The following TRAPPC12 variants were observed in gnomAD, a reference collection of about 807,000 sequenced individuals.
TRAPPC12 encodes trafficking protein particle complex subunit 12, also known as TPR repeat protein 15.
Under a neutral mutation model 69.2 loss-of-function variants are expected in TRAPPC12, and 61 were observed. That is an observed-to-expected ratio of 0.88 (90% CI 0.72 to 1.09). TRAPPC12 has a LOEUF of 1.09. TRAPPC12 is among the 50% of genes least tolerant of loss of function. TRAPPC12 has a pLI of 0.00. For missense variants in TRAPPC12, 1,101 were observed against 1,016.4 expected (o/e 1.08, Z -1.13); for synonymous variants, 469 against 438.9 (o/e 1.07, Z -0.86).
intron 5 of TRAPPC12, among the ~76,000 whole-genome samples, chr2:3,426,049 G>A (rs1264188401): frequency 6.6e-6 from 1 of 152,124 alleles, no homozygotes; most frequent in Non-Finnish European, 1.5e-5. Context: ...CTTCCTCCAA[G>A]TAGGACGGGT....
chr2:3,389,334 C>G (rs1349068469), intron 2 of TRAPPC12, among the ~76,000 whole-genome samples: 8 of 152,250 alleles, frequency 5.3e-5, no homozygotes, highest in Admixed American at 4.6e-4. Context: ...TGACTGTGCT[C>G]TCAGCCCCCA....
At chr2:3,398,713 G>T (rs374289991) in intron 2 of TRAPPC12, among the ~76,000 whole-genome samples, 15 of 152,198 alleles carry the variant, frequency 9.9e-5, no homozygotes, top group East Asian at 5.8e-4. Flanking sequence ...GGCCCTAACC[G>T]CCTGTCAGCC....
rs763583291 is a variant in TRAPPC12, at chr2:3,401,881, G to A, written c.1152G>A (p.Leu384=). Reference sequence around the variant, plus strand: ...CAGTGGAACAATCTTTTGTTGGATTGAAACAGCTAATCGTAAGTGACAATG... The same window carrying A: ...CAGTGGAACAATCTTTTGTTGGATTAAAACAGCTAATCGTAAGTGACAATG... The part of the protein sequence containing the change: ...ADSVEQSFVG[L]KQLISCRNWR... Residue 384 remains leucine, a synonymous_variant, in exon 3 of 12, where the codon TTG becomes TTA. Transcript: ENST00000324266. 212 of 1,584,088 alleles carry A rather than the reference G, an allele frequency of 1.3e-4. No homozygotes were observed. Among genetic ancestry groups the A allele is most frequent in the Non-Finnish European group, 1.8e-4 (205 of 1,166,740 alleles).
chr2:3,421,731 C>G (rs1456070788), intron 3 of TRAPPC12, 150 bp from the exon 4 acceptor site: 1 of 751,854 alleles, frequency 1.3e-6, no homozygotes, highest in African/African-American at 1.7e-5. Context: ...TCCGTGCCGT[C>G]AGCACACTGA....
intron 8 of TRAPPC12, chr2:3,463,035 T>C: frequency 2.2e-6 from 1 of 455,014 alleles, no homozygotes; most frequent in Non-Finnish European, 4.6e-6. Flanking sequence ...TGAAAAGAAA[T>C]GGTGAAGATT....
chr2:3,433,821 A>C (rs2103077949), intron 5 of TRAPPC12, among the ~76,000 whole-genome samples: 1 of 152,296 alleles, frequency 6.6e-6, no homozygotes, highest in East Asian at 1.9e-4. Context: ...TATACATGGG[A>C]ATCTTCCGGA....
At chr2:3,464,042 G>A (rs547858015) in intron 8 of TRAPPC12, among the ~76,000 whole-genome samples, 18 of 152,258 alleles carry the variant, frequency 1.2e-4, no homozygotes, top group African/African-American at 4.3e-4. Flanking sequence ...CATCTGGGGT[G>A]CCATGTCCGT....
chr2:3,420,372 G>A (rs754250945), intron 3 of TRAPPC12, among the ~76,000 whole-genome samples: 10 of 76,304 alleles, frequency 1.3e-4, no homozygotes, highest in East Asian at 4.5e-4. Flanking sequence ...GCACGCACAC[G>A]CTGACTCTGG....
chr2:3,450,783 G>A (rs1664810986), intron 6 of TRAPPC12, among the ~76,000 whole-genome samples: 1 of 152,142 alleles, frequency 6.6e-6, no homozygotes, highest in African/African-American at 2.4e-5. Context: ...CACTTAGTAA[G>A]TTCTCAGGTC....
At chr2:3,394,087 A>C (rs1390134038) in intron 2 of TRAPPC12, among the ~76,000 whole-genome samples, 1 of 152,120 alleles carries the variant, frequency 6.6e-6, no homozygotes, top group Non-Finnish European at 1.5e-5. Flanking sequence ...GATTGACTCT[A>C]CCTTCCTCAA....
rs749908453 is a variant in TRAPPC12, at chr2:3,388,536, C to T, written c.913C>T (p.Arg305Trp). 5.6e-6 allele frequency: 9 copies of T among 1,613,086 alleles called. No homozygotes were observed. The highest frequency in any genetic ancestry group is 1.7e-5 in the Admixed American group (1 of 60,000). Residue 305 changes from arginine to tryptophan, a missense_variant, in exon 2 of 12, where the codon CGG becomes TGG. Physicochemically the swap from Arg to Trp is moderately radical, Grantham distance 101. Coordinates refer to ENST00000324266, the MANE Select transcript of TRAPPC12 (RefSeq NM_016030.6). ...CGCCCTGAGCATGAGCGAGATGGAC[C>T]GGAGGAACGACGCCTGGCTTCCCGG... is the stretch of plus-strand genomic sequence containing the variant. ...ATALSMSEMD[R>W]RNDAWLPGEA...
chr2:3,445,753 A>T (rs1664473708), intron 6 of TRAPPC12, among the ~76,000 whole-genome samples: 1 of 152,216 alleles, frequency 6.6e-6, no homozygotes, highest in Non-Finnish European at 1.5e-5. Context: ...CATCACTATA[A>T]CATGTCCCGT....
At chr2:3,390,313 G>A (rs1057464341) in intron 2 of TRAPPC12, among the ~76,000 whole-genome samples, 9 of 152,178 alleles carry the variant, frequency 5.9e-5, no homozygotes, top group African/African-American at 1.9e-4. Context: ...ACCAAAATCA[G>A]TACAAACATA....
intron 3 of TRAPPC12, among the ~76,000 whole-genome samples, chr2:3,405,821 T>C (rs762909008): frequency 1.8e-4 from 28 of 152,262 alleles, no homozygotes; most frequent in Non-Finnish European, 4.0e-4. Context: ...ATTGTAACTC[T>C]TATGATTCTT....
At chr2:3,407,466 G>C (rs796223159) in intron 3 of TRAPPC12, among the ~76,000 whole-genome samples, 9 of 152,248 alleles carry the variant, frequency 5.9e-5, no homozygotes, top group African/African-American at 1.9e-4. Flanking sequence ...CTTTCACAAA[G>C]TTTAAAGTTT....
chr2:3,457,078 GA>G, intron 6 of TRAPPC12: 1 of 463,402 alleles, frequency 2.2e-6, no homozygotes. Context: ...ACGGGATAAG[GA>G]AAAGATGGTG....
intron 5 of TRAPPC12, among the ~76,000 whole-genome samples, chr2:3,439,909 G>A (rs1260452840): frequency 2.7e-5 from 4 of 150,598 alleles, no homozygotes; most frequent in Non-Finnish European, 5.9e-5. Flanking sequence ...TCATGTGGAC[G>A]TCCAGTTGTC....
intron 9 of TRAPPC12, among the ~76,000 whole-genome samples, chr2:3,469,231 G>T (rs546787357): frequency 6.6e-6 from 1 of 152,122 alleles, no homozygotes. Context: ...TAATTATACG[G>T]TCTCTAAACT....
chr2:3,443,766 G>A lies in TRAPPC12; in HGVS notation c.1418-13G>A. The A allele has an allele frequency of 6.2e-7, 1 of 1,612,512 alleles. No homozygotes were observed. The highest frequency in any genetic ancestry group is 8.5e-7 in the Non-Finnish European group (1 of 1,178,682). ...ATGGCAAACAAACTCACTCAGCACT[G>A]ATTGGATTCCAGGCTCCATGGTCCC... On this transcript the variant is annotated splice_polypyrimidine_tract_variant and intron_variant, in intron 5 of 11. Transcript: ENST00000324266.
Sources: allele counts gnomAD v4.1 joint callset (sites outside exome capture counted in the v4.1 genomes callset), GRCh38; gene constraint gnomAD v4.1.1; transcripts MANE v1.5; gene names NCBI Gene and HGNC (gene_info 2026-07-23, HGNC 2026-07-21).